The following FRMPD4 variants were observed in gnomAD, a reference collection of about 807,000 sequenced individuals.
The protein encoded by FRMPD4 is FERM and PDZ domain containing 4.
Under a neutral mutation model 94.1 loss-of-function variants are expected in FRMPD4, and 22 were observed. The observed-to-expected ratio is 0.23, with a 90% confidence interval of 0.17 to 0.33. FRMPD4 has a LOEUF of 0.33. Ranked by LOEUF, FRMPD4 falls within the 10% of genes least tolerant of loss-of-function variation. The probability of loss-of-function intolerance (pLI) is 1.00; values close to 1 mark genes in which losing one functional copy is unlikely to be tolerated. For synonymous variants in FRMPD4, 631 were observed against 548.6 expected, an observed-to-expected ratio of 1.15 and a Z score of -2.10; for missense variants, 1,111 against 1,339.9, an observed-to-expected ratio of 0.83 and a Z score of 2.67.
intron 4 of FRMPD4, among the ~76,000 whole-genome samples, chrX:12,627,983 A>T (rs1188658179): frequency 2.7e-5 from 3 of 111,995 alleles, no homozygotes; most frequent in African/African-American, 9.7e-5. Flanking sequence ...ACAAAAAAAA[A>T]TCATTTTGGT....
intron 3 of FRMPD4, among the ~76,000 whole-genome samples, chrX:11,954,338 G>A (rs1812389749): frequency 8.9e-6 from 1 of 112,307 alleles, no homozygotes; most frequent in South Asian, 3.7e-4. Context: ...AACTGAAAGA[G>A]ATACTACATA....
intron 3 of FRMPD4, among the ~76,000 whole-genome samples, chrX:12,020,300 T>A (rs992891970): frequency 4.4e-5 from 5 of 112,542 alleles, no homozygotes; most frequent in Non-Finnish European, 9.4e-5. Context: ...TACAGTAATA[T>A]ATGGATTAAC....
At chrX:12,004,431 C>T (rs1569140902) in intron 3 of FRMPD4, among the ~76,000 whole-genome samples, 1 of 111,765 alleles carries the variant, frequency 8.9e-6, no homozygotes, top group East Asian at 2.8e-4. Context: ...CTCCATGCAG[C>T]CCACATAGTG....
At chrX:11,913,996 C>A (rs186600825) in intron 3 of FRMPD4, among the ~76,000 whole-genome samples, 1 of 112,027 alleles carries the variant, frequency 8.9e-6, no homozygotes, top group Non-Finnish European at 1.9e-5. Flanking sequence ...ATTTTAACCA[C>A]GTTAGACAGT....
At chrX:12,172,946 G>A (rs375970066) in intron 1 of FRMPD4, among the ~76,000 whole-genome samples, 1 of 112,674 alleles carries the variant, frequency 8.9e-6, no homozygotes, top group Admixed American at 9.4e-5. Context: ...TATAGTCTCC[G>A]CTTTACATTT....
Position 12,690,401 on chromosome X carries a change from C to G in FRMPD4, c.813+75C>G, listed in dbSNP as rs190309557. The G allele has an allele frequency of 6.6e-4, 574 of 872,405 alleles. 1 individual carries two copies. The highest frequency in any genetic ancestry group is 5.4e-3 in the Middle Eastern group (13 of 2,393). 71.9% of individuals were successfully genotyped at this position (872,405 alleles called of 1,213,427 possible). A position where few individuals can be genotyped will look rare whatever the true frequency, so the allele number is the denominator to read the frequency against. On this transcript the variant is annotated intron_variant, in intron 8 of 16. Coordinates refer to ENST00000675598, the MANE Select transcript of FRMPD4 (RefSeq NM_001368397.1). ...GTTGCCCAGTCCAAGATTTCTCCCC[C>G]ACTCTAATCCTGTAAATGTATTAAT... is the stretch of plus-strand genomic sequence containing the variant.
intron 3 of FRMPD4, among the ~76,000 whole-genome samples, chrX:12,057,546 A>G (rs747194369): frequency 9.8e-5 from 11 of 111,746 alleles, no homozygotes; most frequent in African/African-American, 1.9e-4. Flanking sequence ...CTAAATCAGT[A>G]TTAGTCACCT....
At chrX:12,624,969 G>T (rs896338075) in intron 4 of FRMPD4, among the ~76,000 whole-genome samples, 4 of 111,341 alleles carry the variant, frequency 3.6e-5, no homozygotes, top group Admixed American at 1.9e-4. Flanking sequence ...TTAAAAGTGG[G>T]CAAAAGATCT....
intron 12 of FRMPD4, 54 bp downstream of exon 12, chrX:12,706,969 A>T: frequency 1.6e-6 from 1 of 617,335 alleles, no homozygotes. Flanking sequence ...ACAGCAGCTC[A>T]TTCCGCCTCT....
chrX:11,866,294 G>A (rs2053718360), intron 2 of FRMPD4, among the ~76,000 whole-genome samples: 1 of 111,900 alleles, frequency 8.9e-6, no homozygotes, highest in Non-Finnish European at 1.9e-5. Context: ...TTGGTCTACT[G>A]GGGCCTCATG....
chrX:12,426,518 C>CTTGT (rs1215602498), intron 1 of FRMPD4, among the ~76,000 whole-genome samples: 1 of 111,687 alleles, frequency 9.0e-6, no homozygotes, highest in African/African-American at 3.3e-5. Flanking sequence ...TGTAGACAAT[C>CTTGT]TTGTTTTGCA....
At chrX:12,185,677 A>G (rs2056416250) in intron 1 of FRMPD4, among the ~76,000 whole-genome samples, 1 of 111,814 alleles carries the variant, frequency 8.9e-6, no homozygotes, top group African/African-American at 3.2e-5. Flanking sequence ...GTCAGTGCAA[A>G]TGTAAGCAAT....
At chrX:11,992,809 C>T (rs901186617) in intron 3 of FRMPD4, among the ~76,000 whole-genome samples, 1 of 109,897 alleles carries the variant, frequency 9.1e-6, no homozygotes, top group Non-Finnish European at 1.9e-5. Context: ...CAAGCCACTT[C>T]GGCATTATTC....
chrX:11,929,220 C>G (rs999860249), intron 3 of FRMPD4, among the ~76,000 whole-genome samples: 6 of 112,273 alleles, frequency 5.3e-5, no homozygotes, highest in Admixed American at 3.8e-4. Context: ...GTTTACCTAT[C>G]TAACAATCCT....
At chrX:12,128,530 G>T (rs1470611158) in intron 3 of FRMPD4, among the ~76,000 whole-genome samples, 1 of 112,130 alleles carries the variant, frequency 8.9e-6, no homozygotes, top group African/African-American at 3.2e-5. Context: ...TACCATGAAG[G>T]TCTCTGACAT....
intron 1 of FRMPD4, among the ~76,000 whole-genome samples, chrX:12,397,910 G>C (rs778962667): frequency 2.2e-4 from 25 of 111,588 alleles, no homozygotes; most frequent in Non-Finnish European, 4.0e-4. Flanking sequence ...CCAGGAACTA[G>C]AGCAACACCA....
chrX:12,123,966 T>C (rs754774788), intron 3 of FRMPD4, among the ~76,000 whole-genome samples: 4 of 111,675 alleles, frequency 3.6e-5, no homozygotes, highest in Non-Finnish European at 7.5e-5. Context: ...ATCCTTCCAG[T>C]GGCTTGTGGG....
rs2041806409 is a variant in FRMPD4, at chrX:12,702,531, C to A, written c.1070+521C>A. Among the ~76,000 whole-genome samples the A allele has an allele frequency of 2.7e-5, 3 of 111,977 alleles. No individual in the cohort carries two copies. In the South Asian group the frequency reaches 1.1e-3, roughly 42 times the overall value. ...TGTAATGCTAAAGCCTTGGACCTCC[C>A]CCCACACCCTGCTTACAATCTCACC... On this transcript the variant is annotated intron_variant, in intron 10 of 16. Coordinates refer to ENST00000675598, the MANE Select transcript of FRMPD4 (RefSeq NM_001368397.1).
chrX:11,850,245 G>T (rs775162421), intron 1 of FRMPD4, among the ~76,000 whole-genome samples: 2 of 112,038 alleles, frequency 1.8e-5, no homozygotes, highest in Admixed American at 1.9e-4. Flanking sequence ...TACCTATTAG[G>T]GTGGTCACTA....
Sources: gnomAD v4.1 joint callset for allele counts (sites outside exome capture counted in the v4.1 genomes callset) on GRCh38, gnomAD v4.1.1 for gene constraint, MANE v1.5 for transcripts, NCBI Gene and HGNC (gene_info 2026-07-23, HGNC 2026-07-21) for gene names.